The following CUX1 variants were observed in gnomAD, a reference collection of about 807,000 sequenced individuals.
The protein encoded by CUX1 is protein CASP.
A neutral mutation model predicts 158.8 loss-of-function variants in CUX1; 31 were observed. That is an observed-to-expected ratio of 0.20 (90% CI 0.15 to 0.26). The LOEUF (loss-of-function observed/expected upper bound fraction) is 0.26, where lower values mean the gene tolerates loss of function less well. Among genes scored for constraint, CUX1 ranks in the 10% least tolerant of loss-of-function variants. The pLI is 1.00. For synonymous variants in CUX1, 879 were observed against 862.1 expected, an observed-to-expected ratio of 1.02 and a Z score of -0.34; for missense variants, 1,589 against 2,014.6, an observed-to-expected ratio of 0.79 and a Z score of 4.04.
intron 4 of CUX1, among the ~76,000 whole-genome samples, chr7:102,084,320 TA>T (rs1827738929): frequency 6.7e-6 from 1 of 149,096 alleles, no homozygotes; most frequent in African/African-American, 2.4e-5. Flanking sequence ...AATGTTTATA[TA>T]ATAATAATAT....
rs542149901 is a variant in CUX1 at position 101,970,586 on chromosome 7, C to T, written c.141+54361C>T. ...TTCTTTCTTTTTTGAAAAGGAGTCC[C>T]ATTCAGTCGCCCAGGCTGGAGTGCA... On this transcript the variant is annotated intron_variant, in intron 2 of 23. Transcript: ENST00000292535. 2.6e-5 allele frequency among the ~76,000 whole-genome samples: 4 copies of T among 152,222 alleles called. 1 individual carries two copies. The highest frequency in any genetic ancestry group is 2.6e-4 in the Admixed American group (4 of 15,286).
chr7:102,133,294 C>T (rs562335457), intron 8 of CUX1, among the ~76,000 whole-genome samples: 3 of 152,012 alleles, frequency 2.0e-5, no homozygotes, highest in African/African-American at 7.2e-5. Context: ...ACCTTGCAGC[C>T]GGTTCTACCT....
chr7:102,207,537 A>G (rs879988990), intron 20 of CUX1, among the ~76,000 whole-genome samples: 3 of 148,544 alleles, frequency 2.0e-5, no homozygotes, highest in Middle Eastern at 3.6e-3. Flanking sequence ...TGTAACCTCC[A>G]CCCCCCCAGG....
intron 3 of CUX1, among the ~76,000 whole-genome samples, chr7:102,057,815 A>G (rs1375447928): frequency 6.6e-6 from 1 of 152,246 alleles, no homozygotes; most frequent in Non-Finnish European, 1.5e-5. Flanking sequence ...AGAATATTCC[A>G]TAAACTGAGT....
At chr7:101,914,347 CCTT>C (rs1242080739) in intron 1 of CUX1, among the ~76,000 whole-genome samples, 4 of 147,272 alleles carry the variant, frequency 2.7e-5, no homozygotes, top group African/African-American at 7.5e-5. Flanking sequence ...ACGATTCCTT[CCTT>C]CTTCCTTCCT....
At position 102,227,597 on chromosome 7, in the gene CUX1, G is replaced by T. The variant is rs367768389; in HGVS notation, c.3361G>T (p.Ala1121Ser). The change falls in exon 21 of 24, where the codon GCC (alanine) becomes TCC (serine). Residue 1121 changes from alanine to serine, a missense_variant. Physicochemically the swap from Ala to Ser is moderately conservative, Grantham distance 99. Transcript: ENST00000292535. ...GGCCCTCAGCATCCAAGAATTAGTA[G>T]CCATGTCCCCGGAGCTGGACACCTA... ...HSALSIQELV[A>S]MSPELDTYGI... 5 of 1,614,114 alleles carry T rather than the reference G, an allele frequency of 3.1e-6. No homozygotes were observed. In the South Asian group the frequency reaches 5.5e-5, roughly 18 times the overall value.
intron 5 of CUX1, among the ~76,000 whole-genome samples, chr7:102,101,315 G>T (rs1239092891): frequency 6.6e-6 from 1 of 152,198 alleles, no homozygotes; most frequent in Non-Finnish European, 1.5e-5. Flanking sequence ...AAGCCCTTTA[G>T]ATTCCTCTCT....
At chr7:102,197,732 G>T (rs551725401) in intron 15 of CUX1, among the ~76,000 whole-genome samples, 1 of 152,162 alleles carries the variant, frequency 6.6e-6, no homozygotes, top group South Asian at 2.1e-4. Context: ...TGCAAAGCTG[G>T]TTCTGTAGGG....
chr7:102,128,442 T>A (rs1832879241), intron 8 of CUX1, among the ~76,000 whole-genome samples: 1 of 150,482 alleles, frequency 6.6e-6, no homozygotes, highest in Non-Finnish European at 1.5e-5. Context: ...TTTGTCAGCC[T>A]CTTGCACTTT....
intron 5 of CUX1, among the ~76,000 whole-genome samples, chr7:102,099,196 T>C (rs532400847): frequency 2.0e-4 from 31 of 152,116 alleles, no homozygotes; most frequent in African/African-American, 6.5e-4. Context: ...TTGCTGAAAT[T>C]TGGGGGCACG....
rs191094284 is a variant in CUX1 at position 102,151,280 on chromosome 7, C to T, written c.675-7280C>T. Among the ~76,000 whole-genome samples the T allele has an allele frequency of 2.6e-5, 4 of 152,204 alleles. No homozygotes were observed. The East Asian group carries it at 7.7e-4, about 29-fold the overall frequency. On this transcript the variant is annotated intron_variant, in intron 8 of 23. Coordinates refer to ENST00000292535, the MANE Select transcript of CUX1 (RefSeq NM_181552.4). ...ATTAAGACTGGGGTGGGGCTGGGCGCGTCGGTTCACGCCTGTCATCCCAGC... is the reference window on the plus strand; with the variant it reads ...ATTAAGACTGGGGTGGGGCTGGGCGTGTCGGTTCACGCCTGTCATCCCAGC...
chr7:102,258,712 C>T (rs1010697542), downstream of CUX1, among the ~76,000 whole-genome samples: 1 of 152,198 alleles, frequency 6.6e-6, no homozygotes, highest in Non-Finnish European at 1.5e-5. Context: ...GTCTCCTCTG[C>T]CGTGTGGCCT....
In CUX1 at chr7:102,256,999, T is replaced by C. The variant is rs553798351; in HGVS notation, c.*7957T>C. Reference sequence around the variant, plus strand: ...GCAGAGGGCCCCTTTCCCCTATAGGTGGTTCAACGTGGAGGAAGGTTGGGT... The same window carrying C: ...GCAGAGGGCCCCTTTCCCCTATAGGCGGTTCAACGTGGAGGAAGGTTGGGT... On this transcript the variant is annotated 3_prime_UTR_variant, in exon 24 of 24. Coordinates refer to ENST00000292535, the MANE Select transcript of CUX1 (RefSeq NM_181552.4). 5.1e-6 allele frequency: 5 copies of C among 985,324 alleles called. No individual in the cohort carries two copies. The African/African-American group carries it at 8.7e-5, about 17-fold the overall frequency. 61.0% of individuals were successfully genotyped at this position (985,324 alleles called of 1,614,324 possible).
chr7:102,007,811 C>T (rs1409322275), intron 2 of CUX1, among the ~76,000 whole-genome samples: 1 of 151,566 alleles, frequency 6.6e-6, no homozygotes, highest in South Asian at 2.1e-4. Context: ...GTGGTGCGAT[C>T]TCGGCTCACT....
At chr7:102,006,773 T>A (rs1284376196) in intron 2 of CUX1, among the ~76,000 whole-genome samples, 1 of 152,202 alleles carries the variant, frequency 6.6e-6, no homozygotes, top group Non-Finnish European at 1.5e-5. Flanking sequence ...CTAGAACAGT[T>A]TGTGACGGGC....
chr7:102,269,235 A>G (rs1264203074), intron 14 of CUX1, among the ~76,000 whole-genome samples: 1 of 151,894 alleles, frequency 6.6e-6, no homozygotes, highest in Non-Finnish European at 1.5e-5. Flanking sequence ...TCAGCCTCCC[A>G]AAGTGCTGGA....
intron 3 of CUX1, among the ~76,000 whole-genome samples, 184 bp from the exon 4 acceptor site, chr7:102,070,155 C>T (rs186843248): frequency 3.3e-5 from 5 of 152,300 alleles, no homozygotes; most frequent in Admixed American, 3.3e-4. Flanking sequence ...TCTGCTCCTC[C>T]CTTGTTTACC....
chr7:101,821,245 A>G (rs1443015398), intron 1 of CUX1, among the ~76,000 whole-genome samples: 2 of 147,022 alleles, frequency 1.4e-5, no homozygotes, highest in African/African-American at 4.9e-5. Context: ...GAGAGAAGAT[A>G]CTCCCCCCCG....
At chr7:101,875,777 G>C (rs1217130155) in intron 1 of CUX1, among the ~76,000 whole-genome samples, 1 of 151,674 alleles carries the variant, frequency 6.6e-6, no homozygotes, top group Non-Finnish European at 1.5e-5. Flanking sequence ...CCTCTATTAC[G>C]TAGGCCTGAC....
Sources: allele counts gnomAD v4.1 joint callset (sites outside exome capture counted in the v4.1 genomes callset), GRCh38; gene constraint gnomAD v4.1.1; transcripts MANE v1.5; gene names NCBI Gene and HGNC (gene_info 2026-07-23, HGNC 2026-07-21).